The following SUMF1 variants were observed in gnomAD, a reference collection of about 807,000 sequenced individuals.
The protein encoded by SUMF1 is formylglycine-generating enzyme.
Under a neutral mutation model 47.6 loss-of-function variants are expected in SUMF1, and 48 were observed. The observed-to-expected ratio is 1.01, with a 90% CI of 0.80 to 1.28. The LOEUF is 1.28. Among genes scored for constraint, SUMF1 ranks in the 50% most tolerant of loss-of-function variants. The probability of loss-of-function intolerance (pLI) is 0.00; values close to 1 mark genes in which losing one functional copy is unlikely to be tolerated. For synonymous variants in SUMF1, 230 were observed against 192.1 expected (o/e 1.20, Z -1.63); for missense variants, 571 against 485.4 (o/e 1.18, Z -1.66).
At chr3:4,347,301 C>A (rs186722846) in intron 8 of SUMF1, among the ~76,000 whole-genome samples, 18 of 152,252 alleles carry the variant, frequency 1.2e-4, no homozygotes, top group African/African-American at 3.9e-4. Flanking sequence ...AGTGGCAAAC[C>A]GAATCCAGCA....
At chr3:4,383,861 G>T (rs566585138) in intron 7 of SUMF1, among the ~76,000 whole-genome samples, 1 of 152,104 alleles carries the variant, frequency 6.6e-6, no homozygotes, top group Non-Finnish European at 1.5e-5. Flanking sequence ...ACACTGTAGT[G>T]GCCTAACTCA....
intron 9 of SUMF1, among the ~76,000 whole-genome samples, chr3:4,066,229 G>A (rs1695373159): frequency 6.6e-6 from 1 of 150,816 alleles, no homozygotes; most frequent in Non-Finnish European, 1.5e-5. Flanking sequence ...TGCCAAAACA[G>A]GATGAAATGA....
rs149884397 is a variant in SUMF1, at chr3:4,259,358, A to G, written c.1014+116972T>C. ...GCTATTGCAATTTTAGCTTACATTAATATTACCTGATTTGACCTACATGTT... is the reference window on the plus strand; with the variant it reads ...GCTATTGCAATTTTAGCTTACATTAGTATTACCTGATTTGACCTACATGTT... On this transcript the variant is annotated intron_variant and NMD_transcript_variant, in intron 8 of 12. Transcript: ENST00000448413. 1.9e-3 allele frequency among the ~76,000 whole-genome samples: 282 copies of G among 152,294 alleles called. 2 individuals carry two copies. Among genetic ancestry groups the G allele is most frequent in the African/African-American group, 6.4e-3 (267 of 41,568 alleles).
chr3:4,141,556 A>G (rs140950775), intron 8 of SUMF1, among the ~76,000 whole-genome samples: 1 of 152,228 alleles, frequency 6.6e-6, no homozygotes, highest in Non-Finnish European at 1.5e-5. Flanking sequence ...CCAGCTTCTC[A>G]GGAGGCTGAA....
chr3:4,447,216 T>A (rs1484394153), intron 3 of SUMF1, among the ~76,000 whole-genome samples: 1 of 152,158 alleles, frequency 6.6e-6, no homozygotes, highest in Non-Finnish European at 1.5e-5. Flanking sequence ...GGAGAATTTA[T>A]CTCGCTTTTA....
chr3:4,129,445 C>G (rs1693732952), intron 8 of SUMF1, among the ~76,000 whole-genome samples: 1 of 152,038 alleles, frequency 6.6e-6, no homozygotes, highest in Non-Finnish European at 1.5e-5. Flanking sequence ...AAGCAGAAAA[C>G]TTCTAGATCA....
chr3:4,198,615 G>C (rs965013746), intron 8 of SUMF1, among the ~76,000 whole-genome samples: 1 of 152,034 alleles, frequency 6.6e-6, no homozygotes, highest in African/African-American at 2.4e-5. Context: ...ACAATGGCCC[G>C]ACAAAAAGAA....
At chr3:4,133,365 T>A (rs1693838226) in intron 8 of SUMF1, among the ~76,000 whole-genome samples, 1 of 152,140 alleles carries the variant, frequency 6.6e-6, no homozygotes, top group Non-Finnish European at 1.5e-5. Context: ...TTGAAAATTA[T>A]GTATGATCTC....
rs1265587487 is a variant in SUMF1 at position 4,311,652 on chromosome 3, G to C, written c.1014+64678C>G. 1.8e-4 allele frequency among the ~76,000 whole-genome samples: 28 copies of C among 152,138 alleles called. 1 individual carries two copies. Among genetic ancestry groups the C allele is most frequent in the Non-Finnish European group, 1.5e-5 (1 of 68,024 alleles). On this transcript the variant is annotated intron_variant and NMD_transcript_variant, in intron 8 of 12. Coordinates refer to the SUMF1 transcript ENST00000448413. ...TAATCATATATCCTTCTCTGAATTG[G>C]CAGCTCTCAGGCAGAGCCAAATATC...
chr3:4,109,462 A>C (rs1693240654), intron 8 of SUMF1, among the ~76,000 whole-genome samples: 1 of 152,020 alleles, frequency 6.6e-6, no homozygotes, highest in Non-Finnish European at 1.5e-5. Flanking sequence ...CTGAATTTGA[A>C]TGTTGGTCTG....
downstream of SUMF1, among the ~76,000 whole-genome samples, chr3:4,359,646 A>AGTGCTGAG (rs1326436386): frequency 6.6e-6 from 1 of 152,218 alleles, no homozygotes; most frequent in African/African-American, 2.4e-5. Flanking sequence ...AGAGACAGTG[A>AGTGCTGAG]GTGCTGAGCA....
chr3:4,039,864 A>T (rs1271969826), intron 9 of SUMF1, among the ~76,000 whole-genome samples: 1 of 152,072 alleles, frequency 6.6e-6, no homozygotes, highest in East Asian at 1.9e-4. Flanking sequence ...CTACAAAAAA[A>T]ATTTTCAAAT....
intron 8 of SUMF1, among the ~76,000 whole-genome samples, chr3:4,231,497 G>A (rs1696299023): frequency 6.6e-6 from 1 of 152,104 alleles, no homozygotes; most frequent in South Asian, 2.1e-4. Flanking sequence ...ACCCAAACAA[G>A]TTAACAATTT....
intron 8 of SUMF1, among the ~76,000 whole-genome samples, chr3:4,216,074 C>A (rs1366356228): frequency 6.6e-6 from 1 of 152,132 alleles, no homozygotes; most frequent in East Asian, 1.9e-4. Flanking sequence ...AAAGAGCCCA[C>A]ATAGCCAAGA....
intron 2 of SUMF1, among the ~76,000 whole-genome samples, chr3:4,450,312 C>T (rs1423172547): frequency 6.6e-6 from 1 of 152,172 alleles, no homozygotes; most frequent in Admixed American, 6.5e-5. Flanking sequence ...ATAGCCAGTA[C>T]TCCAAATGAC....
rs1474240697 is a variant in SUMF1, at chr3:4,168,626, G to GT, written c.1015-99882dup. On this transcript the variant is annotated intron_variant and NMD_transcript_variant, in intron 8 of 12. Coordinates refer to the SUMF1 transcript ENST00000448413. ...TACATATTACATTTCAATTCAAAAA[G>GT]TTTTTTTAATGAGTTCTCAAGCAAC... Among the ~76,000 whole-genome samples the GT allele has an allele frequency of 3.3e-5, 5 of 152,158 alleles. 1 individual carries two copies. The highest frequency in any genetic ancestry group is 3.9e-4 in the East Asian group (2 of 5,184).
intron 8 of SUMF1, among the ~76,000 whole-genome samples, chr3:4,194,783 A>G (rs1315234015): frequency 6.6e-6 from 1 of 152,196 alleles, no homozygotes; most frequent in Non-Finnish European, 1.5e-5. Context: ...AAACTATGTA[A>G]GCACCCATTA....
intron 8 of SUMF1, among the ~76,000 whole-genome samples, chr3:4,364,297 T>C (rs1699873609): frequency 9.5e-6 from 1 of 105,540 alleles, no homozygotes; most frequent in South Asian, 3.8e-4. Context: ...TCAGAAGGAA[T>C]GGTACCAGTT....
intron 8 of SUMF1, among the ~76,000 whole-genome samples, chr3:4,177,046 T>C (rs552622466): frequency 6.6e-6 from 1 of 152,244 alleles, no homozygotes; most frequent in South Asian, 2.1e-4. Context: ...AAGCAAGTCT[T>C]TAGAGACCTA....
Sources: gnomAD v4.1 joint callset for allele counts (sites outside exome capture counted in the v4.1 genomes callset) on GRCh38, gnomAD v4.1.1 for gene constraint, MANE v1.5 for transcripts, NCBI Gene and HGNC (gene_info 2026-07-23, HGNC 2026-07-21) for gene names.